Variants in CSMD2 observed in about 807,000 individuals in gnomAD.
CSMD2 encodes CUB and sushi domain-containing protein 2.
In CSMD2, 130 loss-of-function variants were observed where a neutral mutation model predicts 398.5. The ratio of observed to expected loss-of-function variants is 0.33; its 90% CI spans 0.28 to 0.38. CSMD2 has a LOEUF of 0.38. Ranked by LOEUF, CSMD2 falls within the 10% of genes least tolerant of loss-of-function variation. The probability of loss-of-function intolerance (pLI) is 1.00; values close to 1 mark genes in which losing one functional copy is unlikely to be tolerated. For synonymous variants in CSMD2, 1,828 were observed against 1,908.5 expected (o/e 0.96, Z 1.10); for missense variants, 3,829 against 4,764.9 (o/e 0.80, Z 5.78).
chr1:33,557,584 G>A (rs988118542), intron 55 of CSMD2, 150 bp downstream of exon 55: 11 of 723,790 alleles, frequency 1.5e-5, no homozygotes, highest in Non-Finnish European at 2.0e-5. Context: ...TAGCCAGAGT[G>A]ACTGTCACCA....
At chr1:33,616,059 T>C (rs1408593265) in intron 39 of CSMD2, among the ~76,000 whole-genome samples, 1 of 152,178 alleles carries the variant, frequency 6.6e-6, no homozygotes, top group Non-Finnish European at 1.5e-5. Flanking sequence ...TAGCATATAG[T>C]AGATATTAAA....
At chr1:33,950,156 C>T (rs1309660693) in intron 3 of CSMD2, among the ~76,000 whole-genome samples, 2 of 152,140 alleles carry the variant, frequency 1.3e-5, no homozygotes, top group Non-Finnish European at 2.9e-5. Flanking sequence ...TGGAGATAGC[C>T]TCCTCATTGT....
At chr1:34,122,040 T>G (rs1387746595) in intron 1 of CSMD2, among the ~76,000 whole-genome samples, 1 of 151,558 alleles carries the variant, frequency 6.6e-6, no homozygotes, top group African/African-American at 2.4e-5. Flanking sequence ...TTCATCTCTC[T>G]TTCCAGCTGG....
chr1:34,016,497 G>A (rs367682511), intron 3 of CSMD2, among the ~76,000 whole-genome samples: 4 of 152,036 alleles, frequency 2.6e-5, no homozygotes, highest in African/African-American at 4.8e-5. Flanking sequence ...TCTTTTTCAC[G>A]GCTGCATAGT....
At position 33,918,579 on chromosome 1, in the gene CSMD2, C is replaced by T. The variant is rs575692360; in HGVS notation, c.713-278G>A. On this transcript the variant is annotated intron_variant, in intron 4 of 70. Coordinates refer to ENST00000373381, the MANE Select transcript of CSMD2 (RefSeq NM_001281956.2). ...TTCAGGGAAGAAGGAACCAAATGGT[C>T]ATAAGCAGAGACATATGAACGTGCA... Among the ~76,000 whole-genome samples, 16 of 152,212 alleles carry T rather than the reference C, an allele frequency of 1.1e-4. No individual in the cohort carries two copies. The East Asian group carries it at 2.9e-3, about 28-fold the overall frequency.
chr1:33,850,883 C>T (rs765156415), intron 5 of CSMD2, among the ~76,000 whole-genome samples: 1 of 152,042 alleles, frequency 6.6e-6, no homozygotes. Flanking sequence ...GCTTTGAGCT[C>T]CTCTGCAGAA....
At chr1:33,577,607 C>T (rs554221554) in intron 48 of CSMD2, 123 bp from the exon 49 acceptor site, 1 of 802,130 alleles carries the variant, frequency 1.2e-6, no homozygotes, top group South Asian at 2.4e-5. Flanking sequence ...GCCACATCCT[C>T]TGCTGTTGAG....
At position 33,606,196 on chromosome 1, in the gene CSMD2, T is replaced by C. The variant is rs574542963; in HGVS notation, c.6344-726A>G. ...ATTCCTGAGCAAGGCCTTTGATGAA[T>C]TGGGTCCACAGGACACAGAACAGCC... On this transcript the variant is annotated intron_variant, in intron 41 of 70. Transcript: ENST00000373381. 2.6e-5 allele frequency among the ~76,000 whole-genome samples: 4 copies of C among 152,232 alleles called. No individual in the cohort carries two copies. The South Asian group carries it at 6.2e-4, about 24-fold the overall frequency.
intron 25 of CSMD2, among the ~76,000 whole-genome samples, chr1:33,669,056 A>G (rs1019790229): frequency 6.6e-6 from 1 of 152,306 alleles, no homozygotes; most frequent in Non-Finnish European, 1.5e-5. Context: ...ATATCCTCAT[A>G]AAGCCCTGCA....
intron 4 of CSMD2, among the ~76,000 whole-genome samples, chr1:33,931,544 C>T (rs1644313686): frequency 6.6e-6 from 1 of 152,042 alleles, no homozygotes; most frequent in Non-Finnish European, 1.5e-5. Flanking sequence ...TTATTCTCTC[C>T]CAGCCTTTGA....
At chr1:33,935,288 G>A (rs1644441188) in intron 4 of CSMD2, among the ~76,000 whole-genome samples, 1 of 152,080 alleles carries the variant, frequency 6.6e-6, no homozygotes, top group Admixed American at 6.6e-5. Context: ...GGTTGTTGGA[G>A]TAAAGAGATT....
chr1:33,717,811 G>A (rs937775690), intron 19 of CSMD2, among the ~76,000 whole-genome samples: 3 of 151,984 alleles, frequency 2.0e-5, no homozygotes, highest in Admixed American at 1.3e-4. Flanking sequence ...AAGTTGGAGC[G>A]ATGGGGGAGA....
intron 29 of CSMD2, among the ~76,000 whole-genome samples, chr1:33,641,042 C>A (rs1264841661): frequency 6.6e-6 from 1 of 152,176 alleles, no homozygotes; most frequent in African/African-American, 2.4e-5. Flanking sequence ...TCTGAAACGC[C>A]CCTGGCCCCC....
At chr1:33,928,752 A>G (rs1375757143) in intron 4 of CSMD2, among the ~76,000 whole-genome samples, 1 of 152,180 alleles carries the variant, frequency 6.6e-6, no homozygotes, top group Non-Finnish European at 1.5e-5. Flanking sequence ...GGCCTTGGGT[A>G]GCTGTGGTCG....
chr1:33,655,190 G>A (rs1643911342), intron 27 of CSMD2, among the ~76,000 whole-genome samples: 1 of 152,214 alleles, frequency 6.6e-6, no homozygotes, highest in Non-Finnish European at 1.5e-5. Context: ...TGGACTGAGG[G>A]TGAGAGTTGT....
intron 29 of CSMD2, among the ~76,000 whole-genome samples, chr1:33,643,688 T>C (rs1284503576): frequency 6.6e-6 from 1 of 151,980 alleles, no homozygotes; most frequent in Non-Finnish European, 1.5e-5. Flanking sequence ...AGAAAGATAG[T>C]GTACATGGGA....
intron 2 of CSMD2, among the ~76,000 whole-genome samples, chr1:34,049,112 C>T (rs942758028): frequency 6.6e-6 from 1 of 152,158 alleles, no homozygotes; most frequent in African/African-American, 2.4e-5. Context: ...AAGTGTGAAA[C>T]GTGATTACCC....
chr1:33,821,474 A>G (rs887205133), intron 7 of CSMD2, among the ~76,000 whole-genome samples: 16 of 152,140 alleles, frequency 1.1e-4, no homozygotes, highest in African/African-American at 3.9e-4. Flanking sequence ...TCAAAGCCTC[A>G]CCAATCCCAT....
chr1:33,952,405 T>C (rs1645034414), intron 3 of CSMD2, among the ~76,000 whole-genome samples: 1 of 152,220 alleles, frequency 6.6e-6, no homozygotes, highest in Non-Finnish European at 1.5e-5. Context: ...CAATATTCCC[T>C]GGCCCAGAAG....
Sources: gnomAD v4.1 joint callset for allele counts (sites outside exome capture counted in the v4.1 genomes callset) on GRCh38, gnomAD v4.1.1 for gene constraint, MANE v1.5 for transcripts, NCBI Gene and HGNC (gene_info 2026-07-23, HGNC 2026-07-21) for gene names.